Variants in ITGA8 observed in about 807,000 individuals in gnomAD.
The protein encoded by ITGA8 is integrin alpha-8.
In ITGA8, 91 loss-of-function variants were observed where a neutral mutation model predicts 142.3. The ratio of observed to expected loss-of-function variants is 0.64; its 90% CI spans 0.54 to 0.76. ITGA8 has a LOEUF of 0.76. Among genes scored for constraint, ITGA8 ranks in the 30% least tolerant of loss-of-function variants. ITGA8 has a pLI of 0.00. For missense variants in ITGA8, 1,406 were observed against 1,327.7 expected (o/e 1.06, Z -0.92); for synonymous variants, 505 against 485.2 (o/e 1.04, Z -0.54).
At chr10:15,568,218 T>G (rs1416643872) in intron 25 of ITGA8, among the ~76,000 whole-genome samples, 1 of 152,212 alleles carries the variant, frequency 6.6e-6, no homozygotes, top group Non-Finnish European at 1.5e-5. Flanking sequence ...GCCATGCTCC[T>G]GGTCCAAGAC....
At position 15,713,873 on chromosome 10, in the gene ITGA8, CTTTTATTTTTAT is replaced by C. The variant is rs373843145; in HGVS notation, c.343+4881_343+4892del. Among the ~76,000 whole-genome samples, 1,240 of 151,774 alleles carry C rather than the reference CTTTTATTTTTAT, an allele frequency of 8.2e-3. 9 individuals carry two copies. Among genetic ancestry groups the C allele is most frequent in the African/African-American group, 0.028 (1,163 of 41,404 alleles). ...TTCTTTTCTTTTCTTTTTCTTTTTC[CTTTTATTTTTAT>C]TTTTATTTTTATTTTTTAACACAGA... On this transcript the variant is annotated intron_variant, in intron 2 of 29. Transcript: ENST00000378076.
chr10:15,560,555 A>G (rs1389653327), intron 25 of ITGA8, among the ~76,000 whole-genome samples: 1 of 152,252 alleles, frequency 6.6e-6, no homozygotes, highest in East Asian at 1.9e-4. Context: ...GAAAAACTGT[A>G]GCTTAACACT....
intron 23 of ITGA8, among the ~76,000 whole-genome samples, chr10:15,576,283 AG>A (rs1252808709): frequency 6.6e-6 from 1 of 152,178 alleles, no homozygotes; most frequent in East Asian, 1.9e-4. Context: ...GGTGTAATCC[AG>A]GAGTAGGATA....
intron 13 of ITGA8, among the ~76,000 whole-genome samples, chr10:15,620,725 A>T (rs1833475972): frequency 6.6e-6 from 1 of 152,190 alleles, no homozygotes; most frequent in African/African-American, 2.4e-5. Flanking sequence ...GTTTTGAATG[A>T]ATTTCTCTTT....
intron 28 of ITGA8, 71 bp from the exon 29 acceptor site, chr10:15,519,483 G>A: frequency 1.3e-6 from 2 of 1,502,426 alleles, no homozygotes; most frequent in Non-Finnish European, 1.8e-6. Context: ...GTAATTACCA[G>A]TACAACATCG....
Position 15,517,016 on chromosome 10 carries a change from ATGAGGTGATG to A in ITGA8, c.*132_*141del. 12 of 566,474 alleles carry A rather than the reference ATGAGGTGATG, an allele frequency of 2.1e-5. No individual in the cohort carries two copies. The highest frequency in any genetic ancestry group is 8.7e-5 in the South Asian group (4 of 45,750). The allele number at this position is 566,474 out of a possible 1,614,324, so 35.1% of individuals were successfully genotyped here. On this transcript the variant is annotated 3_prime_UTR_variant, in exon 30 of 30. Coordinates refer to ENST00000378076, the MANE Select transcript of ITGA8 (RefSeq NM_003638.3). ...ACAATTTCTCCAAAGTGCGGTGTAG[ATGAGGTGATG>A]TTTCCAGGGTCCCCTCCATTTCCTG...
intron 6 of ITGA8, 22 bp from the exon 7 acceptor site, chr10:15,672,771 C>A: frequency 6.4e-7 from 1 of 1,567,108 alleles, no homozygotes. Flanking sequence ...CAAATTAATA[C>A]GTTAACTGAA....
chr10:15,548,594 A>G, intron 26 of ITGA8, 26 bp from the exon 27 acceptor site: 1 of 1,463,110 alleles, frequency 6.8e-7, no homozygotes, highest in Non-Finnish European at 9.5e-7. Context: ...GGAACACGTC[A>G]GAGTCTTTAA....
At chr10:15,524,228 A>T (rs1221775459) in intron 28 of ITGA8, among the ~76,000 whole-genome samples, 1 of 152,112 alleles carries the variant, frequency 6.6e-6, no homozygotes, top group Non-Finnish European at 1.5e-5. Context: ...TCCTAAACTT[A>T]TGTAGGCTTT....
Position 15,622,645 on chromosome 10 carries a change from C to G in ITGA8, c.1400-6086G>C, listed in dbSNP as rs1279105009. Among the ~76,000 whole-genome samples, 3 of 151,630 alleles carry G rather than the reference C, an allele frequency of 2.0e-5. No individual in the cohort carries two copies. In the East Asian group the frequency reaches 5.8e-4, roughly 29 times the overall value. ...AGCAAGGCTGAAAGAGAAACAAAAG[C>G]AACAGGGTGAAATGTTTATAATGTA... On this transcript the variant is annotated intron_variant, in intron 13 of 29. Transcript: ENST00000378076.
chr10:15,601,056 A>G (rs1375893258), intron 20 of ITGA8, among the ~76,000 whole-genome samples: 1 of 152,066 alleles, frequency 6.6e-6, no homozygotes, highest in Non-Finnish European at 1.5e-5. Context: ...TCTAGCCAAT[A>G]TGGTGAAACT....
chr10:15,586,510 C>T (rs1281314643), intron 23 of ITGA8, 74 bp downstream of exon 23: 2 of 855,276 alleles, frequency 2.3e-6, no homozygotes, highest in East Asian at 2.5e-5. Context: ...GAAAATTCCA[C>T]ATCATTTTCA....
intron 2 of ITGA8, among the ~76,000 whole-genome samples, chr10:15,708,102 G>A (rs1835295441): frequency 6.6e-6 from 1 of 152,006 alleles, no homozygotes; most frequent in South Asian, 2.1e-4. Flanking sequence ...GTTAGTGGAC[G>A]TACTCCACGT....
chr10:15,667,286 A>G (rs1834414139), intron 8 of ITGA8, among the ~76,000 whole-genome samples: 1 of 151,344 alleles, frequency 6.6e-6, no homozygotes, highest in South Asian at 2.1e-4. Context: ...TTTCTTCTAG[A>G]TTGTCTAGTT....
At chr10:15,704,965 C>T (rs776027783) in intron 2 of ITGA8, among the ~76,000 whole-genome samples, 1 of 151,314 alleles carries the variant, frequency 6.6e-6, no homozygotes, top group African/African-American at 2.4e-5. Context: ...CAACCATTCA[C>T]CTAACAGAAC....
intron 13 of ITGA8, among the ~76,000 whole-genome samples, chr10:15,636,913 G>C (rs1272123462): frequency 1.3e-5 from 2 of 152,216 alleles, no homozygotes; most frequent in Admixed American, 6.5e-5. Flanking sequence ...GGAAGGTCAA[G>C]GCGGGTGGAT....
Position 15,651,532 on chromosome 10 carries a change from T to C in ITGA8, c.1001+3822A>G, listed in dbSNP as rs980838949. The stretch of plus-strand genomic sequence containing the variant: ...AACTTATCTGGTCACTTATTGACAG[T>C]TTTTTTTTTTTCGTGATGTTGAGAT... On this transcript the variant is annotated intron_variant, in intron 11 of 29. Coordinates refer to ENST00000378076, the MANE Select transcript of ITGA8 (RefSeq NM_003638.3). Among the ~76,000 whole-genome samples, 66 of 148,988 alleles carry C rather than the reference T, an allele frequency of 4.4e-4. 1 individual carries two copies. Among genetic ancestry groups the C allele is most frequent in the Non-Finnish European group, 6.0e-4 (40 of 67,120 alleles).
intron 4 of ITGA8, among the ~76,000 whole-genome samples, chr10:15,679,832 C>T (rs568951363): frequency 6.6e-6 from 1 of 152,252 alleles, no homozygotes; most frequent in South Asian, 2.1e-4. Context: ...TATCAAAAGT[C>T]TGTAGGGCAT....
chr10:15,546,262 C>T (rs934298472), intron 27 of ITGA8, among the ~76,000 whole-genome samples: 5 of 152,208 alleles, frequency 3.3e-5, no homozygotes, highest in African/African-American at 1.2e-4. Context: ...CTGATTCCCT[C>T]CACTGAGATA....
Sources: gnomAD v4.1 joint callset for allele counts (sites outside exome capture counted in the v4.1 genomes callset) on GRCh38, gnomAD v4.1.1 for gene constraint, MANE v1.5 for transcripts, NCBI Gene and HGNC (gene_info 2026-07-23, HGNC 2026-07-21) for gene names.